Variants in BAZ1A observed in about 807,000 individuals in gnomAD.
BAZ1A encodes bromodomain adjacent to zinc finger domain protein 1A.
BAZ1A carries 50 observed loss-of-function variants against 185.2 expected under a neutral mutation model. That is an observed-to-expected ratio of 0.27 (90% CI 0.22 to 0.34). BAZ1A has a LOEUF of 0.34. BAZ1A is among the 10% of genes least tolerant of loss of function. The pLI is 1.00. For synonymous variants in BAZ1A, 571 were observed against 615.6 expected, an observed-to-expected ratio of 0.93 and a Z score of 1.07; for missense variants, 1,356 against 1,839.9, an observed-to-expected ratio of 0.74 and a Z score of 4.81.
intron 11 of BAZ1A, among the ~76,000 whole-genome samples, chr14:34,794,512 T>G (rs185557401): frequency 1.1e-3 from 162 of 152,214 alleles, no homozygotes; most frequent in African/African-American, 3.8e-3. Flanking sequence ...GCTTCCTGCT[T>G]CTTAGAGCCC....
chr14:34,767,786 G>A (rs1878949805), intron 21 of BAZ1A, among the ~76,000 whole-genome samples: 1 of 152,126 alleles, frequency 6.6e-6, no homozygotes, highest in Non-Finnish European at 1.5e-5. Context: ...AAGGAATAAG[G>A]TTGCAGAGGT....
chr14:34,848,252 T>G (rs987262052), intron 3 of BAZ1A, among the ~76,000 whole-genome samples: 2 of 152,200 alleles, frequency 1.3e-5, no homozygotes, highest in African/African-American at 4.8e-5. Context: ...GCTGAATAGT[T>G]AAGAGCCCTA....
intron 21 of BAZ1A, chr14:34,771,042 C>G (rs1879184944): frequency 6.6e-6 from 1 of 152,290 alleles, no homozygotes; most frequent in South Asian, 2.1e-4. Flanking sequence ...TACTCTGTCA[C>G]CTAGGCCACC....
chr14:34,801,236 G>T (rs1173963978), intron 7 of BAZ1A, 43 bp from the exon 8 acceptor site: 6 of 1,388,000 alleles, frequency 4.3e-6, no homozygotes, highest in African/African-American at 1.5e-5. Context: ...CTTATAGTAA[G>T]AATAAAAAGC....
Position 34,767,465 on chromosome 14 carries a change from G to C in BAZ1A, c.3302-2197C>G, listed in dbSNP as rs571619327. On this transcript the variant is annotated intron_variant, in intron 21 of 26. Coordinates refer to ENST00000360310, the MANE Select transcript of BAZ1A (RefSeq NM_013448.3). Reference sequence around the variant, plus strand: ...CTTTGGAGGCCGAGGCAGGAGAATTGCTTGAACCCAGGAGGCAAAGGTTGC... The same window carrying C: ...CTTTGGAGGCCGAGGCAGGAGAATTCCTTGAACCCAGGAGGCAAAGGTTGC... Among the ~76,000 whole-genome samples the C allele has an allele frequency of 5.9e-5, 9 of 152,250 alleles. No homozygotes were observed. The East Asian group carries it at 7.7e-4, about 13-fold the overall frequency.
chr14:34,797,458 C>T (rs1342644123), intron 9 of BAZ1A, among the ~76,000 whole-genome samples: 1 of 151,978 alleles, frequency 6.6e-6, no homozygotes, highest in African/African-American at 2.4e-5. Context: ...ACTCGGGAGG[C>T]TGAGGCAGGA....
intron 25 of BAZ1A, among the ~76,000 whole-genome samples, chr14:34,758,358 G>T (rs1440256905): frequency 3.3e-5 from 5 of 151,708 alleles, no homozygotes; most frequent in African/African-American, 9.7e-5. Flanking sequence ...GAGGTGGGCA[G>T]ATCACAAGGT....
At chr14:34,764,592 T>G in intron 23 of BAZ1A, 115 bp downstream of exon 23, 1 of 1,383,536 alleles carries the variant, frequency 7.2e-7, no homozygotes, top group Non-Finnish European at 9.7e-7. Flanking sequence ...GTGTCCAGCC[T>G]ATATATTAGT....
chr14:34,783,792 T>C lies in BAZ1A; in HGVS notation c.1967A>G (p.His656Arg). 6.2e-7 allele frequency: 1 copy of C among 1,612,502 alleles called. No individual in the cohort carries two copies. The highest frequency in any genetic ancestry group is 8.5e-7 in the Non-Finnish European group (1 of 1,179,642). The part of the protein sequence containing the change: ...QEFRELKAEQ[H>R]RKEREEAAAR... ...AGCTGCTTCTTCCCTCTCTTTTCGATGTTGTTCTGCTTTTAATTCCCGGAA... is the reference window on the plus strand; with the variant it reads ...AGCTGCTTCTTCCCTCTCTTTTCGACGTTGTTCTGCTTTTAATTCCCGGAA... Residue 656 changes from histidine to arginine, a missense_variant, in exon 15 of 27, where the codon CAT becomes CGT. Transcript: ENST00000360310.
intron 2 of BAZ1A, among the ~76,000 whole-genome samples, chr14:34,864,009 G>C (rs1430017457): frequency 7.3e-5 from 11 of 151,712 alleles, no homozygotes; most frequent in Non-Finnish European, 1.6e-4. Flanking sequence ...AGAGTGTAGA[G>C]ATGGGGTCTC....
At chr14:34,817,854 T>C (rs1332545711) in intron 4 of BAZ1A, among the ~76,000 whole-genome samples, 1 of 152,184 alleles carries the variant, frequency 6.6e-6, no homozygotes, top group East Asian at 1.9e-4. Flanking sequence ...TGATGCCAAG[T>C]GTATGGTGAA....
intron 14 of BAZ1A, among the ~76,000 whole-genome samples, chr14:34,784,708 C>T (rs1349219951): frequency 1.9e-4 from 29 of 151,332 alleles, no homozygotes; most frequent in African/African-American, 6.3e-4. Flanking sequence ...TCAGTAGAGA[C>T]GGGGTTTCAC....
intron 25 of BAZ1A, among the ~76,000 whole-genome samples, chr14:34,757,907 T>C (rs1270928408): frequency 2.7e-5 from 4 of 150,848 alleles, no homozygotes; most frequent in Non-Finnish European, 5.9e-5. Flanking sequence ...CCACCACGCC[T>C]GGCTAATTTT....
At chr14:34,848,931 G>A (rs181241962) in intron 3 of BAZ1A, among the ~76,000 whole-genome samples, 154 of 152,230 alleles carry the variant, frequency 1.0e-3, no homozygotes, top group Middle Eastern at 6.8e-3. Flanking sequence ...AGCTTTATCC[G>A]TCCTCAGAAA....
intron 2 of BAZ1A, among the ~76,000 whole-genome samples, chr14:34,869,997 T>C (rs1213119978): frequency 6.6e-6 from 1 of 152,148 alleles, no homozygotes; most frequent in Non-Finnish European, 1.5e-5. Flanking sequence ...TGCCTCAGCC[T>C]AGCCTCCAGC....
intron 24 of BAZ1A, among the ~76,000 whole-genome samples, chr14:34,761,529 C>T (rs1886520809): frequency 6.6e-6 from 1 of 152,132 alleles, no homozygotes; most frequent in Admixed American, 6.6e-5. Context: ...AACAGAACGT[C>T]ATTTGTAAGT....
chr14:34,793,974 A>AG (rs1881032948), intron 11 of BAZ1A, among the ~76,000 whole-genome samples: 3 of 151,754 alleles, frequency 2.0e-5, no homozygotes, highest in African/African-American at 4.8e-5. Context: ...GAAAAAAAAA[A>AG]GAAAAAAATT....
intron 4 of BAZ1A, among the ~76,000 whole-genome samples, chr14:34,818,628 C>T (rs908867148): frequency 6.6e-6 from 1 of 152,042 alleles, no homozygotes; most frequent in African/African-American, 2.4e-5. Context: ...AAAAAAAATT[C>T]CAGAAATAAA....
rs531119463 is a variant in BAZ1A, at chr14:34,793,964, G to GA, written c.1363+784dup. On this transcript the variant is annotated intron_variant, in intron 11 of 26. Transcript: ENST00000360310. ...CTCAAAAAGAAAAAAAAGAAAAAAA[G>GA]AAAAAAAAAAGAAAAAAATTAGCTG... Among the ~76,000 whole-genome samples the GA allele has an allele frequency of 1.9e-3, 280 of 145,946 alleles. 1 individual carries two copies. Among genetic ancestry groups the GA allele is most frequent in the African/African-American group, 6.1e-3 (243 of 39,854 alleles).
Sources: allele counts gnomAD v4.1 joint callset (sites outside exome capture counted in the v4.1 genomes callset), GRCh38; gene constraint gnomAD v4.1.1; transcripts MANE v1.5; gene names NCBI Gene and HGNC (gene_info 2026-07-23, HGNC 2026-07-21).